The following NOTCH2 variants were observed in gnomAD, a reference collection of about 807,000 sequenced individuals.
NOTCH2 encodes notch receptor 2, also known as neurogenic locus notch homolog protein 2.
Under a neutral mutation model 235.8 loss-of-function variants are expected in NOTCH2, and 29 were observed. The ratio of observed to expected loss-of-function variants is 0.12; its 90% CI spans 0.09 to 0.17. NOTCH2 has a LOEUF of 0.17. Ranked by LOEUF, NOTCH2 falls within the 10% of genes least tolerant of loss-of-function variation. The pLI, the probability that NOTCH2 is intolerant of heterozygous loss-of-function variation, is 1.00. For synonymous variants in NOTCH2, 1,086 were observed against 1,141.5 expected (o/e 0.95, Z 0.98); for missense variants, 2,285 against 3,150.2 (o/e 0.73, Z 6.57).
chr1:119,916,158 G>A lies in NOTCH2; in HGVS notation c.6564C>T (p.Ala2188=), dbSNP rs750483323. The change falls in exon 34 of 34, where the codon GCC becomes GCT. Residue 2188 remains alanine, a synonymous_variant. Coordinates refer to ENST00000256646, the MANE Select transcript of NOTCH2 (RefSeq NM_024408.4). ...GCTGGGCATGGACTGGGGCAGGAGG[G>A]GCGGCAGTGGCCAACATAGGGTTGG... ...ASPNPMLATA[A]PPAPVHAQHA... 9 of 1,614,234 alleles carry A rather than the reference G, an allele frequency of 5.6e-6. No individual in the cohort carries two copies. The South Asian group carries it at 8.8e-5, about 16-fold the overall frequency.
intron 32 of NOTCH2, 62 bp downstream of exon 32, chr1:119,918,344 A>C: frequency 6.3e-7 from 1 of 1,588,340 alleles, no homozygotes; most frequent in Non-Finnish European, 8.6e-7. Context: ...ACGTAACTCT[A>C]TTCCCCTCGT....
chr1:119,959,795 G>A (rs1553198804), intron 11 of NOTCH2, among the ~76,000 whole-genome samples: 2 of 152,178 alleles, frequency 1.3e-5, no homozygotes, highest in Non-Finnish European at 1.5e-5. Flanking sequence ...CATGAATCAA[G>A]GCAGTAGAAC....
At chr1:120,064,939 A>G (rs61790267) in intron 1 of NOTCH2, among the ~76,000 whole-genome samples, 32 of 151,828 alleles carry the variant, frequency 2.1e-4, no homozygotes, top group Admixed American at 3.9e-4. Context: ...TGAAATTACA[A>G]TAAGGTGTGG....
rs1649820092 is a variant in NOTCH2, at chr1:119,935,579, T to G, written c.3548A>C (p.Asn1183Thr). 1 of 1,614,170 alleles carries G rather than the reference T, an allele frequency of 6.2e-7. No homozygotes were observed. The highest frequency in any genetic ancestry group is 2.2e-5 in the East Asian group (1 of 44,880). Residue 1183 changes from asparagine (N) to threonine (T), a missense_variant, in exon 22 of 34, where the codon AAC becomes ACC. Physicochemically the swap from Asn to Thr is moderately conservative, Grantham distance 65. Around this residue, in one of 6 missense-constraint regions of NOTCH2, gnomAD observed 1,173 missense variants for 1,515.3 expected, o/e 0.77. Transcript: ENST00000256646. ...CECVPGYQGV[N>T]CEYEVDECQN... Reference sequence around the variant, plus strand: ...GCACTCATCCACTTCATACTCACAGTTGACACCCTGATAGCCTGGGACACA... The same window carrying G: ...GCACTCATCCACTTCATACTCACAGGTGACACCCTGATAGCCTGGGACACA...
intron 22 of NOTCH2, among the ~76,000 whole-genome samples, chr1:119,932,009 C>CATAT (rs201566962): frequency 2.1e-5 from 3 of 143,010 alleles, no homozygotes; most frequent in South Asian, 4.3e-4. Flanking sequence ...TGTATATATA[C>CATAT]ATATATATAT....
intron 1 of NOTCH2, among the ~76,000 whole-genome samples, chr1:120,042,394 T>TA (rs1553212988): frequency 2.0e-5 from 2 of 100,936 alleles, no homozygotes; most frequent in Non-Finnish European, 3.5e-5. Flanking sequence ...CTCTCTTCAA[T>TA]AAAACTCCAT....
chr1:119,944,513 C>T (rs1224443445), intron 17 of NOTCH2, among the ~76,000 whole-genome samples: 1 of 136,546 alleles, frequency 7.3e-6, no homozygotes. Flanking sequence ...CCAGCCTGGG[C>T]GACAGAGCGA....
At chr1:119,923,265 A>G (rs1344520824) in intron 26 of NOTCH2, among the ~76,000 whole-genome samples, 2 of 152,252 alleles carry the variant, frequency 1.3e-5, no homozygotes, top group Non-Finnish European at 2.9e-5. Context: ...GAGCAACTGA[A>G]GATCATTACC....
At chr1:119,926,157 C>G (rs1476483011) in intron 24 of NOTCH2, among the ~76,000 whole-genome samples, 1 of 152,220 alleles carries the variant, frequency 6.6e-6, no homozygotes, top group African/African-American at 2.4e-5. Flanking sequence ...TGAGATTACC[C>G]TCCAGCCTGG....
intron 12 of NOTCH2, among the ~76,000 whole-genome samples, chr1:119,957,883 C>CACA (rs1491347411): frequency 1.4e-3 from 205 of 143,608 alleles, no homozygotes; most frequent in Non-Finnish European, 2.4e-3. Flanking sequence ...CACACACACA[C>CACA]AACAGGCCCC....
rs782566552 is a variant in NOTCH2 at position 119,997,083 on chromosome 1, T to C, written c.665A>G (p.Tyr222Cys). The part of the protein sequence containing the change: ...GFTGQYCDSL[Y>C]VPCAPSPCVN... ...ACAAGGTGAGGGTGCACAGGGCACA[T>C]ACAGGCTGTCACAGTACTGGCCTGT... Residue 222 changes from tyrosine to cysteine, a missense_variant, in exon 4 of 34, where the codon TAT (tyrosine) becomes TGT (cysteine). By Grantham distance (194) the Tyr-to-Cys change is radical. Around this residue, in one of 6 missense-constraint regions of NOTCH2, gnomAD observed 431 missense variants for 757.8 expected, o/e 0.57. Coordinates refer to ENST00000256646, the MANE Select transcript of NOTCH2 (RefSeq NM_024408.4). The C allele has an allele frequency of 6.2e-6, 10 of 1,613,888 alleles. No homozygotes were observed. Among genetic ancestry groups the C allele is most frequent in the Middle Eastern group, 1.6e-4 (1 of 6,078 alleles).
At chr1:120,057,521 G>T (rs2101415111) in intron 1 of NOTCH2, among the ~76,000 whole-genome samples, 1 of 94,302 alleles carries the variant, frequency 1.1e-5, no homozygotes, top group Non-Finnish European at 1.8e-5. Context: ...CCTCTGAAGA[G>T]TTCATCACTG....
intron 2 of NOTCH2, among the ~76,000 whole-genome samples, chr1:120,014,509 G>T (rs1178760742): frequency 7.0e-6 from 1 of 143,228 alleles, no homozygotes; most frequent in Non-Finnish European, 1.5e-5. Flanking sequence ...AAGGAAGGAA[G>T]AAAACAGAGA....
intron 3 of NOTCH2, among the ~76,000 whole-genome samples, chr1:120,004,659 A>G (rs1221646696): frequency 5.3e-5 from 8 of 152,074 alleles, no homozygotes; most frequent in Non-Finnish European, 8.8e-5. Context: ...AGTGCCCTGA[A>G]TGTCTAGGGA....
intron 16 of NOTCH2, 101 bp from the exon 17 acceptor site, chr1:119,948,667 A>C: frequency 2.9e-6 from 4 of 1,373,576 alleles, no homozygotes; most frequent in Non-Finnish European, 3.1e-6. Flanking sequence ...GAGCTATTCC[A>C]CAGACAAACT....
chr1:119,971,834 G>A (rs1469261891), intron 5 of NOTCH2, among the ~76,000 whole-genome samples: 1 of 152,212 alleles, frequency 6.6e-6, no homozygotes, highest in African/African-American at 2.4e-5. Flanking sequence ...CTACTCAGTG[G>A]CATAGCCATT....
intron 7 of NOTCH2, 88 bp from the exon 8 acceptor site, chr1:119,967,709 A>G: frequency 8.6e-7 from 1 of 1,161,056 alleles, no homozygotes. Flanking sequence ...TGGTTATAGC[A>G]TCAGGGCCAG....
rs782673217 is a variant in NOTCH2 at position 119,965,484 on chromosome 1, G to T, written c.1650C>A (p.His550Gln). 9.5e-5 allele frequency: 154 copies of T among 1,613,804 alleles called. No homozygotes were observed. The highest frequency in any genetic ancestry group is 1.2e-4 in the Non-Finnish European group (145 of 1,179,806). Reference protein sequence around the residue: ...PCLNGAKCIDHPNGYECQCAT... With the variant: ...PCLNGAKCIDQPNGYECQCAT... Reference sequence around the variant, plus strand: ...CACACTGGCATTCATAGCCATTCGGGTGATCGATACACTTTGCCCCATTCA... The same window carrying T: ...CACACTGGCATTCATAGCCATTCGGTTGATCGATACACTTTGCCCCATTCA... The change falls in exon 10 of 34, where the codon CAC (histidine) becomes CAA (glutamine). Residue 550 changes from histidine to glutamine, a missense_variant. By Grantham distance (24) the His-to-Gln change is conservative. Coordinates refer to ENST00000256646, the MANE Select transcript of NOTCH2 (RefSeq NM_024408.4).
At chr1:120,015,931 C>A (rs1653432559) in intron 2 of NOTCH2, among the ~76,000 whole-genome samples, 1 of 121,822 alleles carries the variant, frequency 8.2e-6, no homozygotes, top group Non-Finnish European at 1.7e-5. Flanking sequence ...CATTCCCACT[C>A]TACTCTCAAC....
Sources: gnomAD v4.1 joint callset for allele counts (sites outside exome capture counted in the v4.1 genomes callset) on GRCh38, gnomAD v4.1.1 for gene constraint, gnomAD v4.1.1 regional missense constraint, MANE v1.5 for transcripts, NCBI Gene and HGNC (gene_info 2026-07-23, HGNC 2026-07-21) for gene names.